NEK1: variants seen among roughly 807,000 people sequenced by gnomAD.
NEK1 encodes NIMA related kinase 1.
In NEK1, 137 loss-of-function variants were observed where a neutral mutation model predicts 182.1. The ratio of observed to expected loss-of-function variants is 0.75; its 90% CI spans 0.65 to 0.87. The LOEUF (loss-of-function observed/expected upper bound fraction) is 0.87. Ranked by LOEUF, NEK1 falls within the 40% of genes least tolerant of loss-of-function variation. The pLI, the probability that NEK1 is intolerant of heterozygous loss-of-function variation, is 0.00. For missense variants in NEK1, 1,391 were observed against 1,494.4 expected (o/e 0.93, Z 1.14); for synonymous variants, 513 against 492.2 (o/e 1.04, Z -0.56).
intron 27 of NEK1, among the ~76,000 whole-genome samples, chr4:169,438,712 T>A (rs1738876952): frequency 6.6e-6 from 1 of 152,202 alleles, no homozygotes. Flanking sequence ...TTTACCACCT[T>A]CTCACTCCTA....
chr4:169,610,755 G>A (rs1772185995), intron 2 of NEK1, among the ~76,000 whole-genome samples: 2 of 152,180 alleles, frequency 1.3e-5, no homozygotes, highest in African/African-American at 4.8e-5. Context: ...TAAGCATTAA[G>A]CTCTCATCAG....
intron 4 of NEK1, among the ~76,000 whole-genome samples, 169 bp downstream of exon 4, chr4:169,601,839 A>T (rs1016529580): frequency 4.9e-5 from 7 of 142,346 alleles, no homozygotes; most frequent in African/African-American, 1.0e-4. Context: ...GTCTCAATTT[A>T]AAAAAAAAAA....
intron 23 of NEK1, among the ~76,000 whole-genome samples, chr4:169,484,226 T>C (rs923923218): frequency 2.6e-5 from 4 of 152,232 alleles, no homozygotes; most frequent in African/African-American, 9.6e-5. Context: ...TTTTTGTATT[T>C]TTAGTAGAAA....
At chr4:169,439,139 T>G (rs1019170575) in intron 27 of NEK1, among the ~76,000 whole-genome samples, 2 of 152,216 alleles carry the variant, frequency 1.3e-5, no homozygotes, top group African/African-American at 2.4e-5. Context: ...ACTTATTGTA[T>G]TCAAGTGGCA....
chr4:169,423,796 T>C (rs2111325046), intron 31 of NEK1, among the ~76,000 whole-genome samples: 1 of 152,220 alleles, frequency 6.6e-6, no homozygotes, highest in African/African-American at 2.4e-5. Flanking sequence ...GAAAAAGATT[T>C]GTAAAAAGAT....
At chr4:169,544,717 T>C (rs1292591448) in intron 18 of NEK1, among the ~76,000 whole-genome samples, 2 of 149,618 alleles carry the variant, frequency 1.3e-5, no homozygotes, top group Non-Finnish European at 3.0e-5. Context: ...CTTGGGAGGG[T>C]GTATGTGTCT....
intron 19 of NEK1, among the ~76,000 whole-genome samples, chr4:169,531,193 T>C (rs1757620928): frequency 6.6e-6 from 1 of 152,064 alleles, no homozygotes; most frequent in Admixed American, 6.6e-5. Flanking sequence ...AAGTAGTAGT[T>C]CATGATCAAA....
At chr4:169,559,116 T>C (rs1452351698) in intron 16 of NEK1, among the ~76,000 whole-genome samples, 1 of 152,186 alleles carries the variant, frequency 6.6e-6, no homozygotes, top group South Asian at 2.1e-4. Flanking sequence ...CAGAAATCTA[T>C]TCAGTACACA....
chr4:169,442,472 A>C (rs1446522410), intron 27 of NEK1, among the ~76,000 whole-genome samples: 1 of 152,202 alleles, frequency 6.6e-6, no homozygotes, highest in Non-Finnish European at 1.5e-5. Flanking sequence ...CAATCCGTAA[A>C]ATCGGAAGAA....
At position 169,421,842 on chromosome 4, in the gene NEK1, C is replaced by G. The variant is rs538072601; in HGVS notation, c.3222+2711G>C. On this transcript the variant is annotated intron_variant, in intron 31 of 35. Coordinates refer to ENST00000507142, the MANE Select transcript of NEK1 (RefSeq NM_001199397.3). ...AATCTTCTCTCAGCAATTTATAGTT[C>G]AAATAGATTAAAAAATCAGTAAAGA... Among the ~76,000 whole-genome samples the G allele has an allele frequency of 2.0e-5, 3 of 152,258 alleles. No individual in the cohort carries two copies. The East Asian group carries it at 5.8e-4, about 29-fold the overall frequency.
In NEK1 at chr4:169,527,511, T is replaced by C. The variant is rs1367300204; in HGVS notation, c.1665+10298A>G. Among the ~76,000 whole-genome samples, 8 of 152,278 alleles carry C rather than the reference T, an allele frequency of 5.3e-5. No homozygotes were observed. In the East Asian group the frequency reaches 1.5e-3, roughly 29 times the overall value. ...CTGCTAACGTAATACAAGACAACTATACCATAAAGGGGAGAGGGTAAAGCT... is the reference window on the plus strand; with the variant it reads ...CTGCTAACGTAATACAAGACAACTACACCATAAAGGGGAGAGGGTAAAGCT... On this transcript the variant is annotated intron_variant, in intron 19 of 35. Coordinates refer to ENST00000507142, the MANE Select transcript of NEK1 (RefSeq NM_001199397.3).
At chr4:169,428,181 G>A (rs115558916) in intron 29 of NEK1, among the ~76,000 whole-genome samples, 1,867 of 151,494 alleles carry the variant, frequency 0.012, 19 homozygotes, top group Non-Finnish European at 0.019. Flanking sequence ...AAGGTAAACT[G>A]AACTACCATA....
intron 26 of NEK1, among the ~76,000 whole-genome samples, chr4:169,473,328 T>C (rs1377685655): frequency 6.7e-6 from 1 of 149,778 alleles, no homozygotes. Flanking sequence ...TGGAGGCAAA[T>C]AATAGACACT....
At position 169,458,809 on chromosome 4, in the gene NEK1, C is replaced by T. The variant is rs575579469; in HGVS notation, c.2587+4434G>A. On this transcript the variant is annotated intron_variant, in intron 27 of 35. Coordinates refer to ENST00000507142, the MANE Select transcript of NEK1 (RefSeq NM_001199397.3). ...CAACACTGCACTCCAGCCTGGGCAA[C>T]ACAGTGAGACCCCATCTCAAAAAAA... is the stretch of plus-strand genomic sequence containing the variant. 1.1e-4 allele frequency among the ~76,000 whole-genome samples: 14 copies of T among 132,156 alleles called. 1 individual carries two copies. The South Asian group carries it at 3.4e-3, about 32-fold the overall frequency. 86.7% of individuals were successfully genotyped at this position (132,156 alleles called of 152,430 possible). A position where few individuals can be genotyped will look rare whatever the true frequency, so the allele number is the denominator to read the frequency against.
At chr4:169,576,783 G>A (rs1322638119) in intron 12 of NEK1, 145 bp downstream of exon 12, 1 of 718,754 alleles carries the variant, frequency 1.4e-6, no homozygotes. Context: ...CTCAGTTTTA[G>A]AGGACTGGTA....
At position 169,463,393 on chromosome 4, in the gene NEK1, G is replaced by A; in HGVS notation, c.2437C>T (p.His813Tyr). ...AATTTAATAACTTCTCCCACTGTAT[G>A]TCCTATAAGAAAAATATACAAAGAA... Reference protein sequence around the residue: ...LDTSFSTTERHTVGEVIKLGP... With the variant: ...LDTSFSTTERYTVGEVIKLGP... The change falls in exon 27 of 36, where the codon CAT (histidine) becomes TAT (tyrosine). Residue 813 changes from histidine (H) to tyrosine (Y), a missense_variant and splice_region_variant. Around this residue, in one of 5 missense-constraint regions of NEK1, gnomAD observed 1,216 missense variants for 1,277.6 expected, o/e 0.95. Transcript: ENST00000507142. 6.3e-7 allele frequency: 1 copy of A among 1,592,928 alleles called. No individual in the cohort carries two copies. The highest frequency in any genetic ancestry group is 8.6e-7 in the Non-Finnish European group (1 of 1,168,440).
intron 5 of NEK1, among the ~76,000 whole-genome samples, chr4:169,591,141 A>G (rs1458061641): frequency 6.8e-6 from 1 of 147,468 alleles, no homozygotes; most frequent in Non-Finnish European, 1.5e-5. Flanking sequence ...TTTTTTCTAT[A>G]ACGCCCCCCC....
intron 27 of NEK1, among the ~76,000 whole-genome samples, chr4:169,442,433 T>G (rs755867561): frequency 6.6e-6 from 1 of 151,900 alleles, no homozygotes; most frequent in Non-Finnish European, 1.5e-5. Context: ...TGGATACATA[T>G]ACGGGAAAAA....
chr4:169,451,333 A>G lies in NEK1; in HGVS notation c.2587+11910T>C, dbSNP rs576296423. ...TCCACCCCAAATCAACAGAATATACATTCTTCTCAGCACCACATAGCCCTT... is the reference window on the plus strand; with the variant it reads ...TCCACCCCAAATCAACAGAATATACGTTCTTCTCAGCACCACATAGCCCTT... On this transcript the variant is annotated intron_variant, in intron 27 of 35. Coordinates refer to ENST00000507142, the MANE Select transcript of NEK1 (RefSeq NM_001199397.3). Among the ~76,000 whole-genome samples, 47 of 152,348 alleles carry G rather than the reference A, an allele frequency of 3.1e-4. No homozygotes were observed. The East Asian group carries it at 6.9e-3, about 22-fold the overall frequency.
Sources: gnomAD v4.1 joint callset for allele counts (sites outside exome capture counted in the v4.1 genomes callset) on GRCh38, gnomAD v4.1.1 for gene constraint, gnomAD v4.1.1 regional missense constraint, MANE v1.5 for transcripts, NCBI Gene and HGNC (gene_info 2026-07-23, HGNC 2026-07-21) for gene names.